ZNF568: variants seen among roughly 807,000 people sequenced by gnomAD.
ZNF568 encodes the protein zinc finger protein 568, also known as p53 inhibitor of SCO2 activation.
ZNF568 carries 11 observed loss-of-function variants against 18.1 expected under a neutral mutation model. The ratio of observed to expected loss-of-function variants is 0.61; its 90% CI spans 0.38 to 1.00. The LOEUF (loss-of-function observed/expected upper bound fraction) is 1.00. Ranked by LOEUF, ZNF568 falls within the 50% of genes least tolerant of loss-of-function variation. The probability of loss-of-function intolerance (pLI) is 0.01; values close to 1 mark genes in which losing one functional copy is unlikely to be tolerated. For synonymous variants in ZNF568, 213 were observed against 246.6 expected (o/e 0.86, Z 1.28); for missense variants, 639 against 768.2 (o/e 0.83, Z 1.99).
At chr19:36,988,803 G>T (rs2074398757) in intron 2 of ZNF568, among the ~76,000 whole-genome samples, 1 of 152,094 alleles carries the variant, frequency 6.6e-6, no homozygotes, top group South Asian at 2.1e-4. Context: ...AGCCAGTCAG[G>T]GTAGTTAGTG....
chr19:36,973,197 A>C (rs1478348145), intron 6 of ZNF568: 1 of 152,600 alleles, frequency 6.6e-6, no homozygotes, highest in Non-Finnish European at 1.5e-5. Flanking sequence ...AAGGCTAGTC[A>C]CCTTTCCTTG....
Position 36,971,264 on chromosome 19 carries a change from G to GC in ZNF568, c.359-3156_359-3155insC, listed in dbSNP as rs1555737462. ...AAAAAAAAACTCTTAAACTCTTTAT[G>GC]TTTTTTTTTTCGCATTTCTAATGTT... On this transcript the variant is annotated intron_variant, in intron 6 of 7. Coordinates refer to the ZNF568 transcript ENST00000427117. Among the ~76,000 whole-genome samples the GC allele has an allele frequency of 2.7e-5, 4 of 146,600 alleles. No individual in the cohort carries two copies. The East Asian group carries it at 7.9e-4, about 29-fold the overall frequency.
downstream of ZNF568, among the ~76,000 whole-genome samples, chr19:36,955,666 T>C (rs1023157457): frequency 6.6e-6 from 1 of 152,140 alleles, no homozygotes; most frequent in Admixed American, 6.6e-5. Context: ...CATTCTAGAG[T>C]TCAAACTTCA....
At chr19:36,983,418 C>G (rs1381501166), downstream of ZNF568, among the ~76,000 whole-genome samples, 1 of 152,192 alleles carries the variant, frequency 6.6e-6, no homozygotes, top group Non-Finnish European at 1.5e-5. Context: ...GCATCCTCCC[C>G]CCGCCCATAA....
chr19:36,956,117 G>A (rs1233182907), downstream of ZNF568, among the ~76,000 whole-genome samples: 1 of 152,218 alleles, frequency 6.6e-6, no homozygotes, highest in Non-Finnish European at 1.5e-5. Flanking sequence ...CGCAGGCACA[G>A]TCCTGCCATG....
intron 6 of ZNF568, among the ~76,000 whole-genome samples, chr19:36,964,258 A>AGAAG (rs567998196): frequency 8.7e-5 from 13 of 149,298 alleles, no homozygotes; most frequent in Admixed American, 5.3e-4. Context: ...ATCTCCTAAG[A>AGAAG]GAAGGAAGGA....
chr19:36,948,706 A>G (rs1307656737), intron 6 of ZNF568, among the ~76,000 whole-genome samples: 1 of 135,880 alleles, frequency 7.4e-6, no homozygotes, highest in Non-Finnish European at 1.5e-5. Flanking sequence ...ATAGATGATC[A>G]CATCACCTGT....
At chr19:36,953,502 G>A (rs2074083975), downstream of ZNF568, among the ~76,000 whole-genome samples, 1 of 152,174 alleles carries the variant, frequency 6.6e-6, no homozygotes, top group Admixed American at 6.6e-5. Flanking sequence ...TCCTCTTGAA[G>A]AGTCTCATTC....
intron 2 of ZNF568, among the ~76,000 whole-genome samples, chr19:36,986,593 C>A (rs558752297): frequency 6.6e-6 from 1 of 152,166 alleles, no homozygotes; most frequent in African/African-American, 2.4e-5. Context: ...TAGTCCCCCA[C>A]AGAGCCTGGT....
intron 4 of ZNF568, among the ~76,000 whole-genome samples, chr19:36,935,008 C>T (rs2073764603): frequency 6.6e-6 from 1 of 151,068 alleles, no homozygotes; most frequent in Non-Finnish European, 1.5e-5. Context: ...TGTTCACAAA[C>T]ATAATTATAG....
At chr19:36,975,650 C>T (rs1011953179) in intron 7 of ZNF568, among the ~76,000 whole-genome samples, 2 of 144,540 alleles carry the variant, frequency 1.4e-5, no homozygotes, top group African/African-American at 5.2e-5. Context: ...TCCCAAAGTG[C>T]TGGCAGCAGG....
chr19:36,951,831 G>C lies in ZNF568; in HGVS notation c.*743G>C. 2.2e-6 allele frequency: 1 copy of C among 463,962 alleles called. No individual in the cohort carries two copies. Among genetic ancestry groups the C allele is most frequent in the South Asian group, 9.3e-5 (1 of 10,760 alleles). 28.7% of individuals were successfully genotyped at this position (463,962 alleles called of 1,614,324 possible). ...TTTAGTAGAGACGGGGTTTCACCAT[G>C]TTGGCCAGGGTAGTCTTGAACTCCT... On this transcript the variant is annotated 3_prime_UTR_variant, in exon 7 of 7. Coordinates refer to ENST00000333987, the MANE Select transcript of ZNF568 (RefSeq NM_198539.4).
intron 7 of ZNF568, among the ~76,000 whole-genome samples, chr19:36,975,730 G>A (rs1296299262): frequency 3.3e-5 from 4 of 119,888 alleles, no homozygotes; most frequent in Non-Finnish European, 6.5e-5. Flanking sequence ...TGTCACTCAG[G>A]CTGGAGTGCA....
At chr19:36,990,221 G>A (rs1224165854) in intron 2 of ZNF568, among the ~76,000 whole-genome samples, 1 of 152,194 alleles carries the variant, frequency 6.6e-6, no homozygotes, top group Non-Finnish European at 1.5e-5. Context: ...ACATCGTTGT[G>A]AGTCTGGATC....
intron 6 of ZNF568, among the ~76,000 whole-genome samples, chr19:36,939,576 G>A (rs932770189): frequency 2.6e-5 from 3 of 115,670 alleles, no homozygotes; most frequent in African/African-American, 1.0e-4. Context: ...GTCTCACTCT[G>A]TCATCCAGGC....
chr19:36,992,977 C>G (rs538377073), intron 4 of ZNF568, among the ~76,000 whole-genome samples: 3 of 152,274 alleles, frequency 2.0e-5, no homozygotes, highest in Admixed American at 2.0e-4. Context: ...GTGCCTCATT[C>G]TTTTATATTG....
intron 6 of ZNF568, among the ~76,000 whole-genome samples, chr19:36,962,336 C>CTTTTT (rs76251375): frequency 4.6e-5 from 2 of 43,086 alleles, no homozygotes; most frequent in Non-Finnish European, 3.8e-5. Context: ...GCTTTTCTTT[C>CTTTTT]TTTTTTTTTT....
intron 7 of ZNF568, among the ~76,000 whole-genome samples, chr19:36,975,825 A>G (rs2074280679): frequency 6.7e-6 from 1 of 150,180 alleles, no homozygotes; most frequent in South Asian, 2.1e-4. Flanking sequence ...CCTCCTGAGT[A>G]GCTGGGATTA....
rs2074052470 is a variant in ZNF568, at chr19:36,950,992, C to T, written c.1839C>T (p.Pro613=). Reference sequence around the variant, plus strand: ...TGAGAAGTCATACTGGTGAGAAACCCTTTGAATGTAATGAATGTGGGAAAG... The same window carrying T: ...TGAGAAGTCATACTGGTGAGAAACCTTTTGAATGTAATGAATGTGGGAAAG... ...IHMRSHTGEK[P]FECNECGKAF... is the part of the protein sequence containing the mutation. The change falls in exon 7 of 7, where the codon CCC becomes CCT. Residue 613 remains proline, a synonymous_variant. Transcript: ENST00000333987. 6.2e-7 allele frequency: 1 copy of T among 1,613,332 alleles called. No individual in the cohort carries two copies. The highest frequency in any genetic ancestry group is 1.1e-5 in the South Asian group (1 of 90,934).
Sources: gnomAD v4.1 joint callset for allele counts (sites outside exome capture counted in the v4.1 genomes callset) on GRCh38, gnomAD v4.1.1 for gene constraint, MANE v1.5 for transcripts, NCBI Gene and HGNC (gene_info 2026-07-23, HGNC 2026-07-21) for gene names.